The following MOB3B variants were observed in gnomAD, a reference collection of about 807,000 sequenced individuals.
MOB3B encodes MOB kinase activator 3B, also known as MOB kinase activator-like 2B.
Under a neutral mutation model 18.7 loss-of-function variants are expected in MOB3B, and 7 were observed. The observed-to-expected ratio is 0.37, with a 90% CI of 0.21 to 0.70. The LOEUF (loss-of-function observed/expected upper bound fraction) is 0.70, where lower values mean the gene tolerates loss of function less well. Among genes scored for constraint, MOB3B ranks in the 30% least tolerant of loss-of-function variants. MOB3B has a pLI of 0.52. For synonymous variants in MOB3B, 111 were observed against 99.9 expected (o/e 1.11, Z -0.66); for missense variants, 253 against 281.3 (o/e 0.90, Z 0.72).
chr9:27,358,385 A>C (rs2131355524), intron 3 of MOB3B, among the ~76,000 whole-genome samples: 1 of 152,330 alleles, frequency 6.6e-6, no homozygotes, highest in East Asian at 1.9e-4. Context: ...CTGGAAAGAG[A>C]GCTTTTGAAG....
chr9:27,461,762 A>T, intron 1 of MOB3B, among the ~76,000 whole-genome samples: 1 of 152,354 alleles, frequency 6.6e-6, no homozygotes, highest in South Asian at 2.1e-4. Context: ...TGAAAGCATT[A>T]CCTGTAACCT....
In MOB3B at chr9:27,471,232, G is replaced by A. The variant is rs112840543; in HGVS notation, c.-198-15484C>T. ...ACATGCCTGGCCTGGCATATCCAGT[G>A]GTCCATGGGCCAAAAGTCATTTCCT... On this transcript the variant is annotated intron_variant, in intron 1 of 3. Coordinates refer to ENST00000262244, the MANE Select transcript of MOB3B (RefSeq NM_024761.5). Among the ~76,000 whole-genome samples, 917 of 152,266 alleles carry A rather than the reference G, an allele frequency of 6.0e-3. 7 individuals carry two copies. Among genetic ancestry groups the A allele is most frequent in the Non-Finnish European group, 9.6e-3 (656 of 68,024 alleles).
chr9:27,384,454 T>C (rs923597056), intron 2 of MOB3B, among the ~76,000 whole-genome samples: 1 of 152,132 alleles, frequency 6.6e-6, no homozygotes, highest in Non-Finnish European at 1.5e-5. Flanking sequence ...TCTCAATCCA[T>C]TCATCTTGGC....
intron 2 of MOB3B, among the ~76,000 whole-genome samples, chr9:27,420,212 G>A (rs1253457733): frequency 6.6e-6 from 1 of 152,144 alleles, no homozygotes. Context: ...TGGTGGGAAT[G>A]TAAACTAGTA....
At chr9:27,345,437 G>C (rs953834761) in intron 3 of MOB3B, among the ~76,000 whole-genome samples, 3 of 152,128 alleles carry the variant, frequency 2.0e-5, no homozygotes, top group Admixed American at 6.5e-5. Context: ...ACTGCTCTAA[G>C]TAGTTGCCAT....
chr9:27,394,370 T>A (rs2131385526), intron 2 of MOB3B: 1 of 151,986 alleles, frequency 6.6e-6, no homozygotes, highest in South Asian at 2.1e-4. Context: ...AGGAAGTCTC[T>A]GTAAGCTGTA....
chr9:27,385,927 T>C (rs1821645643), intron 2 of MOB3B, among the ~76,000 whole-genome samples: 1 of 152,146 alleles, frequency 6.6e-6, no homozygotes. Flanking sequence ...CCAGGCCTTG[T>C]GAAGAGAGGG....
chr9:27,360,496 C>T (rs370297876), intron 2 of MOB3B, among the ~76,000 whole-genome samples: 11 of 152,336 alleles, frequency 7.2e-5, no homozygotes, highest in Admixed American at 2.6e-4. Context: ...CAGAGTGAGA[C>T]TCCGTCTCAA....
intron 1 of MOB3B, among the ~76,000 whole-genome samples, chr9:27,527,070 A>T (rs937390317): frequency 5.9e-5 from 9 of 152,192 alleles, no homozygotes; most frequent in Non-Finnish European, 1.2e-4. Flanking sequence ...CATTTTCACC[A>T]TTCGATATTT....
At chr9:27,416,969 G>C (rs1233290431) in intron 2 of MOB3B, among the ~76,000 whole-genome samples, 1 of 152,166 alleles carries the variant, frequency 6.6e-6, no homozygotes, top group Non-Finnish European at 1.5e-5. Context: ...TTTAGAACTG[G>C]TGTGCGATTG....
chr9:27,360,875 G>C (rs1821264789), intron 2 of MOB3B, among the ~76,000 whole-genome samples: 1 of 152,132 alleles, frequency 6.6e-6, no homozygotes, highest in Non-Finnish European at 1.5e-5. Flanking sequence ...CTGACTGCCT[G>C]GGCAACAGAT....
chr9:27,335,109 A>G (rs919719600), intron 3 of MOB3B, among the ~76,000 whole-genome samples: 47 of 152,352 alleles, frequency 3.1e-4, no homozygotes, highest in African/African-American at 1.1e-3. Flanking sequence ...CTGGCCCAAG[A>G]AGCTAATTTT....
chr9:27,468,619 T>C (rs1819424219), intron 1 of MOB3B, among the ~76,000 whole-genome samples: 1 of 152,152 alleles, frequency 6.6e-6, no homozygotes, highest in South Asian at 2.1e-4. Context: ...GGCCCCTCCA[T>C]CAGTTTATGA....
Position 27,340,572 on chromosome 9 carries a change from G to A in MOB3B, c.622-9956C>T, listed in dbSNP as rs548874794. Among the ~76,000 whole-genome samples, 11 of 152,118 alleles carry A rather than the reference G, an allele frequency of 7.2e-5. No homozygotes were observed. The South Asian group carries it at 1.7e-3, about 23-fold the overall frequency. Reference sequence around the variant, plus strand: ...CTGCAGATCCCCTCCCTAGAGCCCCGCAGCCCACCCCTCATTCTGCAACTC... The same window carrying A: ...CTGCAGATCCCCTCCCTAGAGCCCCACAGCCCACCCCTCATTCTGCAACTC... On this transcript the variant is annotated intron_variant, in intron 3 of 3. Coordinates refer to ENST00000262244, the MANE Select transcript of MOB3B (RefSeq NM_024761.5).
At chr9:27,378,067 A>G (rs1587166889) in intron 2 of MOB3B, among the ~76,000 whole-genome samples, 2 of 152,238 alleles carry the variant, frequency 1.3e-5, no homozygotes, top group Admixed American at 6.5e-5. Flanking sequence ...CCTGCAATCT[A>G]TGAGGTATGG....
At chr9:27,407,286 C>T (rs533576079) in intron 2 of MOB3B, among the ~76,000 whole-genome samples, 10 of 152,314 alleles carry the variant, frequency 6.6e-5, no homozygotes, top group African/African-American at 2.4e-4. Context: ...GCTGTGGATG[C>T]TGCCATTTCT....
chr9:27,446,408 T>C (rs1408434154), intron 2 of MOB3B, among the ~76,000 whole-genome samples: 2 of 152,210 alleles, frequency 1.3e-5, no homozygotes, highest in Non-Finnish European at 2.9e-5. Flanking sequence ...GCCTGTGAAA[T>C]GCCTTCTAAA....
At chr9:27,432,628 T>C (rs1260990060) in intron 2 of MOB3B, among the ~76,000 whole-genome samples, 1 of 152,148 alleles carries the variant, frequency 6.6e-6, no homozygotes, top group South Asian at 2.1e-4. Flanking sequence ...TTTTCCATAA[T>C]AGAACGTTAG....
chr9:27,348,313 A>C (rs1322215855), intron 3 of MOB3B, among the ~76,000 whole-genome samples: 1 of 152,158 alleles, frequency 6.6e-6, no homozygotes, highest in Non-Finnish European at 1.5e-5. Context: ...GTTTAAAAAT[A>C]TTTTAAAATT....
Sources: gnomAD v4.1 joint callset for allele counts (sites outside exome capture counted in the v4.1 genomes callset) on GRCh38, gnomAD v4.1.1 for gene constraint, MANE v1.5 for transcripts, NCBI Gene and HGNC (gene_info 2026-07-23, HGNC 2026-07-21) for gene names.